The following PTPN12 variants were observed in gnomAD, a reference collection of about 807,000 sequenced individuals.
PTPN12 encodes the protein tyrosine-protein phosphatase non-receptor type 12.
In PTPN12, 29 loss-of-function variants were observed where a neutral mutation model predicts 97.6. The observed-to-expected ratio is 0.30, with a 90% CI of 0.22 to 0.41. PTPN12 has a LOEUF of 0.41. Ranked by LOEUF, PTPN12 falls within the 10% of genes least tolerant of loss-of-function variation. PTPN12 has a pLI of 1.00. For missense variants in PTPN12, 819 were observed against 926.0 expected, an observed-to-expected ratio of 0.88 and a Z score of 1.50; for synonymous variants, 327 against 300.4, an observed-to-expected ratio of 1.09 and a Z score of -0.91.
rs1033124212 is a variant in PTPN12, at chr7:77,587,728, A to G, written c.420+2147A>G. Reference sequence around the variant, plus strand: ...AAATCCTAGATGGCATCTTCTTCCAATATAAGGATGTTTCATCCATACTGA... The same window carrying G: ...AAATCCTAGATGGCATCTTCTTCCAGTATAAGGATGTTTCATCCATACTGA... On this transcript the variant is annotated intron_variant, in intron 5 of 17. Transcript: ENST00000248594. 1.9e-4 allele frequency among the ~76,000 whole-genome samples: 29 copies of G among 152,240 alleles called. 1 individual carries two copies. Among genetic ancestry groups the G allele is most frequent in the Admixed American group, 1.7e-3 (26 of 15,290 alleles).
chr7:77,636,348 C>G (rs529616222), intron 15 of PTPN12, among the ~76,000 whole-genome samples: 13 of 151,822 alleles, frequency 8.6e-5, no homozygotes, highest in Non-Finnish European at 1.9e-4. Flanking sequence ...TTTGGGAGGC[C>G]AAGCAGAAGG....
At chr7:77,568,573 T>G (rs1361052406) in intron 1 of PTPN12, among the ~76,000 whole-genome samples, 2 of 152,020 alleles carry the variant, frequency 1.3e-5, no homozygotes, top group Non-Finnish European at 2.9e-5. Context: ...AACATGGGAG[T>G]TTGAAGCTAT....
At chr7:77,600,138 G>A (rs770044785) in intron 7 of PTPN12, among the ~76,000 whole-genome samples, 4 of 152,136 alleles carry the variant, frequency 2.6e-5, no homozygotes, top group Non-Finnish European at 5.9e-5. Flanking sequence ...CCACTAATCT[G>A]TAAGAAGACT....
chr7:77,593,453 G>A (rs1310579109), intron 6 of PTPN12, among the ~76,000 whole-genome samples: 1 of 152,184 alleles, frequency 6.6e-6, no homozygotes, highest in African/African-American at 2.4e-5. Flanking sequence ...AGGGTAGGCT[G>A]GAGATCCTGG....
chr7:77,562,854 T>C (rs117267891), intron 1 of PTPN12, among the ~76,000 whole-genome samples: 2,785 of 151,966 alleles, frequency 0.018, 34 homozygotes, highest in Middle Eastern at 0.072. Flanking sequence ...CATAAAAATA[T>C]ACTTTCAGGA....
At chr7:77,556,867 C>T (rs1397848193) in intron 1 of PTPN12, among the ~76,000 whole-genome samples, 1 of 152,044 alleles carries the variant, frequency 6.6e-6, no homozygotes, top group Non-Finnish European at 1.5e-5. Context: ...GGGATTTTCT[C>T]TAATACTTAC....
chr7:77,593,636 T>C (rs1787936276), intron 6 of PTPN12, among the ~76,000 whole-genome samples: 1 of 152,356 alleles, frequency 6.6e-6, no homozygotes, highest in South Asian at 2.1e-4. Flanking sequence ...CCTTTTGTTG[T>C]ATTCAGGCCT....
Position 77,625,518 on chromosome 7 carries a change from T to TCTCTCA in PTPN12, c.1026-1171_1026-1166dup, listed in dbSNP as rs1331230990. ...CTCTCTCTCTCTCTCTCTCTCTCTC[T>TCTCTCA]CTCTCACTCTCACTCTCACTCGCGC... is the stretch of plus-strand genomic sequence containing the variant. On this transcript the variant is annotated intron_variant, in intron 12 of 17. Transcript: ENST00000248594. Among the ~76,000 whole-genome samples, 38 of 82,032 alleles carry TCTCTCA rather than the reference T, an allele frequency of 4.6e-4. 2 individuals carry two copies. Among genetic ancestry groups the TCTCTCA allele is most frequent in the South Asian group, 9.8e-4 (2 of 2,042 alleles). 53.8% of individuals were successfully genotyped at this position (82,032 alleles called of 152,430 possible). A position where few individuals can be genotyped will look rare whatever the true frequency, so the allele number is the denominator to read the frequency against.
intron 3 of PTPN12, among the ~76,000 whole-genome samples, chr7:77,582,187 C>T (rs941034985): frequency 9.9e-5 from 14 of 141,086 alleles, no homozygotes; most frequent in African/African-American, 1.8e-4. Context: ...CTCTGCTTCC[C>T]GGGTTCACGC....
chr7:77,585,928 A>G (rs1050929087), intron 5 of PTPN12, among the ~76,000 whole-genome samples: 3 of 152,106 alleles, frequency 2.0e-5, no homozygotes, highest in African/African-American at 7.2e-5. Flanking sequence ...GTAGCATTAT[A>G]CCTATAAAAC....
At chr7:77,546,773 G>A (rs1463367533) in intron 1 of PTPN12, among the ~76,000 whole-genome samples, 2 of 152,138 alleles carry the variant, frequency 1.3e-5, no homozygotes, top group South Asian at 2.1e-4. Flanking sequence ...GGAAACTTAC[G>A]ATTGTGGTGG....
intron 12 of PTPN12, among the ~76,000 whole-genome samples, chr7:77,626,067 T>C (rs972374508): frequency 1.3e-5 from 2 of 152,150 alleles, no homozygotes; most frequent in African/African-American, 4.8e-5. Flanking sequence ...CAAGGATGTC[T>C]GTGGTATTGA....
chr7:77,635,136 G>A (rs1164012592), intron 14 of PTPN12, among the ~76,000 whole-genome samples: 1 of 152,098 alleles, frequency 6.6e-6, no homozygotes. Flanking sequence ...TAAGATAAAT[G>A]TTAAAGAGCC....
chr7:77,635,913 T>G, intron 15 of PTPN12, 64 bp downstream of exon 15: 1 of 1,128,934 alleles, frequency 8.9e-7, no homozygotes, highest in South Asian at 1.6e-5. Flanking sequence ...TAACTAATCT[T>G]GCAGTTGTTG....
At chr7:77,572,705 G>T (rs1162703108) in intron 2 of PTPN12, among the ~76,000 whole-genome samples, 1 of 152,122 alleles carries the variant, frequency 6.6e-6, no homozygotes. Context: ...TCCTCTCTGT[G>T]CCTTGGTTTT....
chr7:77,612,983 C>T (rs1009443127), intron 11 of PTPN12, among the ~76,000 whole-genome samples: 1 of 151,048 alleles, frequency 6.6e-6, no homozygotes, highest in Non-Finnish European at 1.5e-5. Context: ...GTTGGCCAGG[C>T]TAGTCTCAAA....
intron 2 of PTPN12, among the ~76,000 whole-genome samples, chr7:77,579,207 C>T (rs191306810): frequency 9.4e-4 from 143 of 152,236 alleles, no homozygotes; most frequent in African/African-American, 3.2e-3. Flanking sequence ...CCACAACCTC[C>T]GCTTCCTGGG....
intron 2 of PTPN12, among the ~76,000 whole-genome samples, chr7:77,573,085 A>AAAAAAAG: frequency 1.4e-5 from 1 of 73,192 alleles, no homozygotes; most frequent in East Asian, 8.8e-4. Context: ...TCTATCTCAA[A>AAAAAAAG]AAAAAAAAAA....
At chr7:77,619,741 A>C (rs1788869634) in intron 12 of PTPN12, among the ~76,000 whole-genome samples, 1 of 152,218 alleles carries the variant, frequency 6.6e-6, no homozygotes, top group South Asian at 2.1e-4. Context: ...TAAAGCATGT[A>C]GTTACATGCC....
Sources: allele counts gnomAD v4.1 joint callset (sites outside exome capture counted in the v4.1 genomes callset), GRCh38; gene constraint gnomAD v4.1.1; transcripts MANE v1.5; gene names NCBI Gene and HGNC (gene_info 2026-07-23, HGNC 2026-07-21).